The following CEP112 variants were observed in gnomAD, a reference collection of about 807,000 sequenced individuals.
CEP112 encodes the protein centrosomal protein of 112 kDa.
CEP112 carries 127 observed loss-of-function variants against 153.0 expected under a neutral mutation model. The observed-to-expected ratio is 0.83, with a 90% CI of 0.72 to 0.96. The LOEUF (loss-of-function observed/expected upper bound fraction) is 0.96. CEP112 is among the 40% of genes least tolerant of loss of function. CEP112 has a pLI of 0.00. For synonymous variants in CEP112, 358 were observed against 374.4 expected (o/e 0.96, Z 0.51); for missense variants, 1,089 against 1,101.2 (o/e 0.99, Z 0.16).
At chr17:65,972,967 T>C (rs1455906856) in intron 17 of CEP112, among the ~76,000 whole-genome samples, 1 of 152,206 alleles carries the variant, frequency 6.6e-6, no homozygotes, top group East Asian at 1.9e-4. Context: ...GGTTTCACCA[T>C]GTTGGCCAGG....
At chr17:66,053,589 C>G (rs985602822) in intron 12 of CEP112, 147 bp downstream of exon 12, 13 of 675,552 alleles carry the variant, frequency 1.9e-5, no homozygotes, top group Middle Eastern at 5.2e-4. Flanking sequence ...CATGGCCACA[C>G]ATAAATCTGT....
intron 4 of CEP112, among the ~76,000 whole-genome samples, chr17:66,166,087 T>C (rs541451500): frequency 2.6e-5 from 4 of 152,176 alleles, no homozygotes; most frequent in Admixed American, 6.5e-5. Flanking sequence ...AAGATAAATA[T>C]AATTTATATA....
chr17:65,849,202 T>C (rs1337163058), intron 21 of CEP112, among the ~76,000 whole-genome samples: 1 of 152,228 alleles, frequency 6.6e-6, no homozygotes, highest in African/African-American at 2.4e-5. Context: ...TTCTTTTGAC[T>C]TAGAATGCCA....
At chr17:65,747,911 C>T (rs997814144) in intron 22 of CEP112, among the ~76,000 whole-genome samples, 1 of 152,066 alleles carries the variant, frequency 6.6e-6, no homozygotes, top group African/African-American at 2.4e-5. Flanking sequence ...TCTGAGGTAC[C>T]AACACATTCA....
Position 65,672,784 on chromosome 17 carries a change from G to C in CEP112, c.2697+16345C>G, listed in dbSNP as rs528204226. ...GCACAGGAAATCGATAAATGGGAAAGAAGAGAAAGTCCCAGATTCACACAC... is the reference window on the plus strand; with the variant it reads ...GCACAGGAAATCGATAAATGGGAAACAAGAGAAAGTCCCAGATTCACACAC... On this transcript the variant is annotated intron_variant, in intron 24 of 26. Transcript: ENST00000535342. Among the ~76,000 whole-genome samples, 9 of 152,266 alleles carry C rather than the reference G, an allele frequency of 5.9e-5. No homozygotes were observed. In the South Asian group the frequency reaches 1.0e-3, roughly 18 times the overall value.
intron 6 of CEP112, among the ~76,000 whole-genome samples, chr17:66,114,970 C>G (rs944298700): frequency 6.6e-6 from 1 of 151,974 alleles, no homozygotes; most frequent in Non-Finnish European, 1.5e-5. Flanking sequence ...TTTAGGAGGC[C>G]GAGGCAGATG....
At chr17:66,094,760 G>A (rs1269537615) in intron 8 of CEP112, among the ~76,000 whole-genome samples, 2 of 152,102 alleles carry the variant, frequency 1.3e-5, no homozygotes, top group African/African-American at 4.8e-5. Context: ...CTAATAAGGG[G>A]TTAACATCCA....
chr17:65,656,058 A>G lies in CEP112; in HGVS notation c.2698-14993T>C, dbSNP rs561353845. Among the ~76,000 whole-genome samples, 232 of 152,252 alleles carry G rather than the reference A, an allele frequency of 1.5e-3. 1 individual carries two copies. The highest frequency in any genetic ancestry group is 5.5e-3 in the African/African-American group (228 of 41,542). Reference sequence around the variant, plus strand: ...CCCTCTCCCATTCTCTGACCCACCCAAGGGTCAGGGGTAGAGTATGTGACG... The same window carrying G: ...CCCTCTCCCATTCTCTGACCCACCCGAGGGTCAGGGGTAGAGTATGTGACG... On this transcript the variant is annotated intron_variant, in intron 24 of 26. Transcript: ENST00000535342.
chr17:66,077,824 C>G (rs944532482), intron 8 of CEP112, among the ~76,000 whole-genome samples: 2 of 152,192 alleles, frequency 1.3e-5, no homozygotes, highest in Non-Finnish European at 2.9e-5. Flanking sequence ...TTTTCTCCCA[C>G]TCTGTGGGTT....
At chr17:65,779,940 C>G (rs2053905506) in intron 21 of CEP112, among the ~76,000 whole-genome samples, 1 of 152,028 alleles carries the variant, frequency 6.6e-6, no homozygotes, top group Non-Finnish European at 1.5e-5. Flanking sequence ...TCATTAAATA[C>G]TGGACCTACT....
rs927692724 is a variant in CEP112, at chr17:66,112,270, G to T, written c.643-15638C>A. Among the ~76,000 whole-genome samples the T allele has an allele frequency of 7.3e-4, 111 of 151,692 alleles. 1 individual carries two copies. The highest frequency in any genetic ancestry group is 2.9e-4 in the Non-Finnish European group (20 of 67,956). ...GGGGCCATCGCACTCCAGCCTGGGG[G>T]ATGAGAGTGAGACTTTGTCTCAAAA... is the stretch of plus-strand genomic sequence containing the variant. On this transcript the variant is annotated intron_variant, in intron 6 of 26. Coordinates refer to ENST00000535342, the MANE Select transcript of CEP112 (RefSeq NM_001199165.4).
At chr17:65,646,489 T>C (rs373481858) in intron 24 of CEP112, among the ~76,000 whole-genome samples, 18 of 152,356 alleles carry the variant, frequency 1.2e-4, no homozygotes, top group African/African-American at 4.3e-4. Flanking sequence ...TTTCATTCTA[T>C]TTATGAGGTT....
At chr17:65,965,776 C>T (rs141002346) in intron 17 of CEP112, among the ~76,000 whole-genome samples, 148 of 152,218 alleles carry the variant, frequency 9.7e-4, no homozygotes, top group African/African-American at 2.7e-3. Context: ...CCCCGGTCTC[C>T]TAAAGAGCTG....
chr17:66,073,976 T>A (rs564931031), intron 8 of CEP112, among the ~76,000 whole-genome samples: 2 of 152,068 alleles, frequency 1.3e-5, no homozygotes, highest in African/African-American at 4.8e-5. Flanking sequence ...AAAATCAATA[T>A]AAATAAATAA....
At chr17:65,715,025 A>G (rs2049419624) in intron 23 of CEP112, among the ~76,000 whole-genome samples, 1 of 152,146 alleles carries the variant, frequency 6.6e-6, no homozygotes, top group Non-Finnish European at 1.5e-5. Flanking sequence ...ACCCAGGAAG[A>G]GTCCAGGGGA....
intron 20 of CEP112, among the ~76,000 whole-genome samples, chr17:65,868,632 T>C (rs1317665926): frequency 6.6e-6 from 1 of 152,094 alleles, no homozygotes; most frequent in African/African-American, 2.4e-5. Context: ...CAGAATATAT[T>C]AGGAAAATAC....
At chr17:66,180,445 T>TCA (rs2072674590) in intron 2 of CEP112, among the ~76,000 whole-genome samples, 1 of 152,134 alleles carries the variant, frequency 6.6e-6, no homozygotes, top group Non-Finnish European at 1.5e-5. Context: ...ATGTAAACCT[T>TCA]GAAAGAGATA....
chr17:65,713,050 C>T (rs2043437821), intron 23 of CEP112, among the ~76,000 whole-genome samples: 1 of 152,234 alleles, frequency 6.6e-6, no homozygotes, highest in African/African-American at 2.4e-5. Flanking sequence ...ACTGAAACCA[C>T]AGTATAATCA....
intron 21 of CEP112, among the ~76,000 whole-genome samples, chr17:65,834,067 C>T (rs1296182665): frequency 1.3e-5 from 2 of 152,130 alleles, no homozygotes; most frequent in African/African-American, 4.8e-5. Context: ...ACCACCTGAT[C>T]TTTGACAAAG....
Sources: gnomAD v4.1 joint callset for allele counts (sites outside exome capture counted in the v4.1 genomes callset) on GRCh38, gnomAD v4.1.1 for gene constraint, MANE v1.5 for transcripts, NCBI Gene and HGNC (gene_info 2026-07-23, HGNC 2026-07-21) for gene names.